The following SORCS2 variants were observed in gnomAD, a reference collection of about 807,000 sequenced individuals.
SORCS2 encodes sortilin related VPS10 domain containing receptor 2, also known as VPS10 domain-containing receptor SorCS2.
SORCS2 carries 100 observed loss-of-function variants against 141.6 expected under a neutral mutation model. The ratio of observed to expected loss-of-function variants is 0.71; its 90% CI spans 0.60 to 0.83. The LOEUF (loss-of-function observed/expected upper bound fraction) is 0.83, where lower values mean the gene tolerates loss of function less well. Ranked by LOEUF, SORCS2 falls within the 40% of genes least tolerant of loss-of-function variation. The pLI, the probability that SORCS2 is intolerant of heterozygous loss-of-function variation, is 0.00. For missense variants in SORCS2, 1,646 were observed against 1,560.2 expected (o/e 1.05, Z -0.93); for synonymous variants, 789 against 676.9 (o/e 1.17, Z -2.57).
chr4:7,375,652 A>G (rs1245774245), intron 1 of SORCS2, among the ~76,000 whole-genome samples: 8 of 152,234 alleles, frequency 5.3e-5, no homozygotes, highest in African/African-American at 1.9e-4. Context: ...GCTTTGTGTC[A>G]CTGGTAATAG....
At chr4:7,473,960 C>G (rs1317794161) in intron 2 of SORCS2, among the ~76,000 whole-genome samples, 2 of 152,198 alleles carry the variant, frequency 1.3e-5, no homozygotes, top group African/African-American at 4.8e-5. Flanking sequence ...CGTTACCCAG[C>G]TTTAAAAACT....
chr4:7,238,983 C>T (rs1271568260), intron 1 of SORCS2, among the ~76,000 whole-genome samples: 1 of 152,234 alleles, frequency 6.6e-6, no homozygotes, highest in African/African-American at 2.4e-5. Context: ...GCAGCTCCAC[C>T]ACTGGGAGCA....
At chr4:7,709,192 CG>C (rs1473128237) in intron 14 of SORCS2, among the ~76,000 whole-genome samples, 1 of 152,200 alleles carries the variant, frequency 6.6e-6, no homozygotes, top group Admixed American at 6.5e-5. Context: ...CGCAGAGCCG[CG>C]GGGGGCCAGC....
rs144624466 is a variant in SORCS2 at position 7,492,507 on chromosome 4, C to T, written c.549-39023C>T. ...GATCCCCAGGAGGATTCCGGGTGAA[C>T]GCAGGAGTACAGGGACCTCTTCCAC... is the stretch of plus-strand genomic sequence containing the variant. On this transcript the variant is annotated intron_variant, in intron 2 of 26. Coordinates refer to ENST00000507866, the MANE Select transcript of SORCS2 (RefSeq NM_020777.3). Among the ~76,000 whole-genome samples, 420 of 152,308 alleles carry T rather than the reference C, an allele frequency of 2.8e-3. 3 individuals carry two copies. Among genetic ancestry groups the T allele is most frequent in the African/African-American group, 8.8e-3 (367 of 41,564 alleles).
chr4:7,422,235 C>T (rs1454000265), intron 2 of SORCS2, among the ~76,000 whole-genome samples: 1 of 152,174 alleles, frequency 6.6e-6, no homozygotes, highest in Admixed American at 6.5e-5. Flanking sequence ...CTTGAGTGGG[C>T]CACCTGGGCT....
chr4:7,714,397 G>A (rs375707806), intron 16 of SORCS2, 24 bp downstream of exon 16: 363 of 1,546,372 alleles, frequency 2.3e-4, no homozygotes, highest in African/African-American at 1.0e-3. Flanking sequence ...TCCTGGCCAC[G>A]AGGCCTCAGG....
chr4:7,408,265 T>C (rs1394930132), intron 2 of SORCS2, among the ~76,000 whole-genome samples: 1 of 152,182 alleles, frequency 6.6e-6, no homozygotes, highest in Non-Finnish European at 1.5e-5. Flanking sequence ...CCCTTTAACC[T>C]TTCTTCTAAG....
At chr4:7,385,057 G>A (rs1296670527) in intron 1 of SORCS2, among the ~76,000 whole-genome samples, 2 of 152,220 alleles carry the variant, frequency 1.3e-5, no homozygotes, top group African/African-American at 4.8e-5. Context: ...GGAGAATCCA[G>A]GAGGGCTCTG....
At chr4:7,476,363 C>T (rs529825453) in intron 2 of SORCS2, among the ~76,000 whole-genome samples, 2 of 152,236 alleles carry the variant, frequency 1.3e-5, no homozygotes, top group African/African-American at 4.8e-5. Flanking sequence ...GTGCAGCCCA[C>T]GTCTGACTGG....
chr4:7,285,927 A>C (rs1341545090), intron 1 of SORCS2, among the ~76,000 whole-genome samples: 1 of 152,196 alleles, frequency 6.6e-6, no homozygotes, highest in Non-Finnish European at 1.5e-5. Flanking sequence ...TGAGGCCGAC[A>C]GCCTGGGGCT....
intron 1 of SORCS2, among the ~76,000 whole-genome samples, chr4:7,320,510 C>T (rs1387122000): frequency 6.6e-6 from 1 of 152,234 alleles, no homozygotes; most frequent in South Asian, 2.1e-4. Context: ...ACTTTGAGGA[C>T]ACAGCTTTCT....
At chr4:7,708,722 C>T (rs769171913) in intron 14 of SORCS2, among the ~76,000 whole-genome samples, 8 of 152,222 alleles carry the variant, frequency 5.3e-5, no homozygotes, top group East Asian at 1.9e-4. Flanking sequence ...TGTTTTCATA[C>T]GTGACTTCAG....
chr4:7,403,997 ATTTTT>A (rs60403055), intron 2 of SORCS2, among the ~76,000 whole-genome samples: 320 of 18,670 alleles, frequency 0.017, 1 homozygote, highest in Middle Eastern at 0.083. Context: ...ATATATATAT[ATTTTT>A]TTTTTTTTTT....
chr4:7,357,073 C>T (rs1433428066), intron 1 of SORCS2, among the ~76,000 whole-genome samples: 1 of 152,182 alleles, frequency 6.6e-6, no homozygotes, highest in African/African-American at 2.4e-5. Flanking sequence ...ACCCTGTCTC[C>T]TTCCCTGCTC....
rs769666589 is a variant in SORCS2, at chr4:7,638,228, G to C, written c.649-100G>C. On this transcript the variant is annotated intron_variant, in intron 3 of 26. Transcript: ENST00000507866. The stretch of plus-strand genomic sequence containing the variant: ...GGCCTCACAACCCCCTTTCTGGTGT[G>C]AGGGAGAGAGGCGCACCTGGCCCAG... 1,211 of 1,369,082 alleles carry C rather than the reference G, an allele frequency of 8.8e-4. 21 individuals carry two copies. The highest frequency in any genetic ancestry group is 1.9e-4 in the Non-Finnish European group (195 of 1,022,478). The allele number at this position is 1,369,082 out of a possible 1,614,324, so 84.8% of individuals were successfully genotyped here.
At chr4:7,546,617 C>T (rs1464086563) in intron 3 of SORCS2, among the ~76,000 whole-genome samples, 3 of 152,176 alleles carry the variant, frequency 2.0e-5, no homozygotes, top group Admixed American at 2.0e-4. Context: ...ACACCTGGCC[C>T]CCAAGGTCAT....
At chr4:7,236,006 A>G (rs2108782903) in intron 1 of SORCS2, among the ~76,000 whole-genome samples, 1 of 152,270 alleles carries the variant, frequency 6.6e-6, no homozygotes, top group African/African-American at 2.4e-5. Flanking sequence ...GAAAACAAAA[A>G]AGTTGAAAAT....
chr4:7,463,304 C>T (rs1486759976), intron 2 of SORCS2, among the ~76,000 whole-genome samples: 2 of 152,130 alleles, frequency 1.3e-5, no homozygotes, highest in Non-Finnish European at 2.9e-5. Context: ...GGTATCAGAC[C>T]CGGCTTTGAA....
intron 1 of SORCS2, among the ~76,000 whole-genome samples, chr4:7,249,801 A>G (rs1248273792): frequency 3.3e-5 from 5 of 152,190 alleles, no homozygotes; most frequent in Non-Finnish European, 7.4e-5. Context: ...GACGACAAGA[A>G]AAAAGATGCC....
Sources: gnomAD v4.1 joint callset for allele counts (sites outside exome capture counted in the v4.1 genomes callset) on GRCh38, gnomAD v4.1.1 for gene constraint, MANE v1.5 for transcripts, NCBI Gene and HGNC (gene_info 2026-07-23, HGNC 2026-07-21) for gene names.